C10orf90: variants seen among roughly 807,000 people sequenced by gnomAD.
C10orf90 encodes (E2-independent) E3 ubiquitin-conjugating enzyme FATS.
C10orf90 carries 56 observed loss-of-function variants against 62.5 expected under a neutral mutation model. The ratio of observed to expected loss-of-function variants is 0.90; its 90% confidence interval spans 0.72 to 1.12. C10orf90 has a LOEUF of 1.12. Ranked by LOEUF, C10orf90 falls within the 50% of genes most tolerant of loss-of-function variation. The pLI, the probability that C10orf90 is intolerant of heterozygous loss-of-function variation, is 0.00. For synonymous variants in C10orf90, 386 were observed against 340.4 expected (o/e 1.13, Z -1.47); for missense variants, 970 against 880.4 (o/e 1.10, Z -1.29).
intron 1 of C10orf90, among the ~76,000 whole-genome samples, chr10:126,648,643 C>T (rs1846218702): frequency 1.3e-5 from 2 of 152,144 alleles, no homozygotes; most frequent in Non-Finnish European, 2.9e-5. Flanking sequence ...GTATATGGGG[C>T]TGGAAAATAA....
At chr10:126,613,411 GTTTC>G (rs886207435) in intron 2 of C10orf90, among the ~76,000 whole-genome samples, 8 of 151,868 alleles carry the variant, frequency 5.3e-5, no homozygotes, top group Non-Finnish European at 1.0e-4. Flanking sequence ...TAGTCTTTTT[GTTTC>G]TTTCTTTTTC....
Position 126,470,948 on chromosome 10 carries a change from G to A in C10orf90, c.1535-5962C>T, listed in dbSNP as rs566877179. ...CTCACGTGGGATTGGGTCTCCATTTGGTATCTCTGTATTTCACCGCATCCA... is the reference window on the plus strand; with the variant it reads ...CTCACGTGGGATTGGGTCTCCATTTAGTATCTCTGTATTTCACCGCATCCA... On this transcript the variant is annotated intron_variant, in intron 4 of 9. Transcript: ENST00000488181. Among the ~76,000 whole-genome samples the A allele has an allele frequency of 3.9e-5, 6 of 152,228 alleles. No individual in the cohort carries two copies. The South Asian group carries it at 6.2e-4, about 16-fold the overall frequency.
intron 4 of C10orf90, among the ~76,000 whole-genome samples, chr10:126,471,160 A>C (rs796549345): frequency 7.2e-5 from 11 of 152,360 alleles, no homozygotes; most frequent in African/African-American, 2.4e-4. Context: ...GATCCACAGC[A>C]AAAGCAGAGC....
chr10:126,661,234 A>G (rs1205278389), intron 1 of C10orf90, among the ~76,000 whole-genome samples: 1 of 152,146 alleles, frequency 6.6e-6, no homozygotes, highest in Non-Finnish European at 1.5e-5. Flanking sequence ...GATGGCAGGA[A>G]AACATATGTT....
intron 1 of C10orf90, among the ~76,000 whole-genome samples, chr10:126,655,077 T>C (rs551912063): frequency 6.6e-6 from 1 of 152,208 alleles, no homozygotes; most frequent in East Asian, 1.9e-4. Context: ...TCCCAGCACT[T>C]TGGGAGACTG....
chr10:126,532,972 G>C (rs867459728), intron 2 of C10orf90, among the ~76,000 whole-genome samples: 1 of 149,080 alleles, frequency 6.7e-6, no homozygotes, highest in Admixed American at 6.7e-5. Context: ...TCGCTCTGTC[G>C]CCCAGGCTGG....
intron 2 of C10orf90, among the ~76,000 whole-genome samples, chr10:126,516,763 AG>A (rs1219248503): frequency 6.6e-6 from 1 of 152,212 alleles, no homozygotes; most frequent in African/African-American, 2.4e-5. Context: ...TCTAGAGTTC[AG>A]AAGTCCAACC....
At position 126,460,287 on chromosome 10, in the gene C10orf90, T is replaced by C. The variant is rs1384250066; in HGVS notation, c.2011-1070A>G. On this transcript the variant is annotated intron_variant, in intron 6 of 9. Transcript: ENST00000488181. ...CTAGGCTGTGAGCTCCAGGAAGTCA[T>C]GGGCCATGTCTCATTGACAATGCAT... 2.6e-5 allele frequency among the ~76,000 whole-genome samples: 4 copies of C among 152,236 alleles called. No individual in the cohort carries two copies. In the East Asian group the frequency reaches 7.7e-4, roughly 29 times the overall value.
chr10:126,645,814 C>T (rs928143963), intron 2 of C10orf90, among the ~76,000 whole-genome samples: 1 of 152,166 alleles, frequency 6.6e-6, no homozygotes, highest in Non-Finnish European at 1.5e-5. Flanking sequence ...TATATATCCA[C>T]ATCCACATAC....
At chr10:126,556,571 G>A (rs987664231) in intron 2 of C10orf90, among the ~76,000 whole-genome samples, 1 of 152,048 alleles carries the variant, frequency 6.6e-6, no homozygotes, top group Non-Finnish European at 1.5e-5. Context: ...TTCAATTTAT[G>A]AACCAGCCTG....
At chr10:126,565,069 ATATATAATATATAAAATATATAT>A (rs1426385797) in intron 2 of C10orf90, among the ~76,000 whole-genome samples, 1,055 of 24,852 alleles carry the variant, frequency 0.042, 217 homozygotes, top group Non-Finnish European at 0.055. Flanking sequence ...AATATATATT[ATATATAATATATAAAATATATAT>A]TATATAATAT....
chr10:126,526,029 C>G (rs1324376455), intron 2 of C10orf90, among the ~76,000 whole-genome samples: 1 of 147,276 alleles, frequency 6.8e-6, no homozygotes, highest in African/African-American at 2.5e-5. Flanking sequence ...CCACAACACA[C>G]ACACACACAC....
intron 7 of C10orf90, among the ~76,000 whole-genome samples, chr10:126,440,326 G>T (rs1229077792): frequency 1.6e-4 from 24 of 152,078 alleles, no homozygotes; most frequent in Non-Finnish European, 4.4e-5. Context: ...ATCCTCCTAG[G>T]TAAGTAACTC....
At chr10:126,479,846 C>T (rs902932519) in intron 4 of C10orf90, among the ~76,000 whole-genome samples, 1 of 152,248 alleles carries the variant, frequency 6.6e-6, no homozygotes, top group Admixed American at 6.5e-5. Flanking sequence ...CTGCCCAAGA[C>T]ATCCAGTTCC....
At chr10:126,462,933 C>T (rs1327854475) in intron 5 of C10orf90, among the ~76,000 whole-genome samples, 1 of 152,224 alleles carries the variant, frequency 6.6e-6, no homozygotes, top group Admixed American at 6.5e-5. Flanking sequence ...CAGCACACCA[C>T]TTAGAAGGTT....
At chr10:126,502,362 A>AATCTTC (rs1450298071) in intron 4 of C10orf90, among the ~76,000 whole-genome samples, 3 of 152,228 alleles carry the variant, frequency 2.0e-5, no homozygotes, top group Non-Finnish European at 1.5e-5. Flanking sequence ...TTCACATGTG[A>AATCTTC]ATCTTTGGGA....
chr10:126,495,127 T>C (rs1861973259), intron 4 of C10orf90, among the ~76,000 whole-genome samples: 1 of 152,218 alleles, frequency 6.6e-6, no homozygotes, highest in African/African-American at 2.4e-5. Context: ...TACTCATGTA[T>C]AGACGGTGCT....
chr10:126,530,327 A>T (rs903329290), intron 2 of C10orf90, among the ~76,000 whole-genome samples: 1 of 151,982 alleles, frequency 6.6e-6, no homozygotes, highest in African/African-American at 2.4e-5. Flanking sequence ...GCAGTTCTTA[A>T]AAAAAAACAA....
intron 2 of C10orf90, among the ~76,000 whole-genome samples, chr10:126,531,743 G>T (rs1338624916): frequency 6.6e-6 from 1 of 152,024 alleles, no homozygotes; most frequent in African/African-American, 2.4e-5. Context: ...CTTGCACCCA[G>T]AAAATAACAA....
Sources: allele counts gnomAD v4.1 joint callset (sites outside exome capture counted in the v4.1 genomes callset), GRCh38; gene constraint gnomAD v4.1.1; transcripts MANE v1.5; gene names NCBI Gene and HGNC (gene_info 2026-07-23, HGNC 2026-07-21).